KIRREL3: variants seen among roughly 807,000 people sequenced by gnomAD.
The protein encoded by KIRREL3 is kirre like nephrin family adhesion molecule 3, also known as kin of IRRE-like protein 3.
KIRREL3 carries 36 observed loss-of-function variants against 89.7 expected under a neutral mutation model. That is an observed-to-expected ratio of 0.40 (90% CI 0.31 to 0.53). The LOEUF is 0.53. Ranked by LOEUF, KIRREL3 falls within the 20% of genes least tolerant of loss-of-function variation. The pLI is 0.49. For missense variants in KIRREL3, 864 were observed against 1,056.6 expected (o/e 0.82, Z 2.53); for synonymous variants, 445 against 441.4 (o/e 1.01, Z -0.10).
rs918277423 is a variant in KIRREL3 at position 126,428,054 on chromosome 11, C to T, written c.1806+1125G>A. Among the ~76,000 whole-genome samples, 8 of 152,148 alleles carry T rather than the reference C, an allele frequency of 5.3e-5. No homozygotes were observed. The highest frequency in any genetic ancestry group is 1.0e-4 in the Non-Finnish European group (7 of 68,032). On this transcript the variant is annotated intron_variant, in intron 15 of 16. Coordinates refer to ENST00000525144, the MANE Select transcript of KIRREL3 (RefSeq NM_032531.4). The surrounding 1 kb of genome is among the most constrained non-coding windows in gnomAD (Gnocchi z 6.4). ...GGGCCTGTGTAAGGCTCCGAAGACCCCGGGATGAACACAGCAGCAGCTGCT... is the reference window on the plus strand; with the variant it reads ...GGGCCTGTGTAAGGCTCCGAAGACCTCGGGATGAACACAGCAGCAGCTGCT...
At chr11:126,803,739 A>G (rs2134401336) in intron 1 of KIRREL3, among the ~76,000 whole-genome samples, 1 of 151,880 alleles carries the variant, frequency 6.6e-6, no homozygotes, top group South Asian at 2.1e-4. Context: ...GCCACCCCCA[A>G]CTCAGTACAT....
intron 15 of KIRREL3, 42 bp from the exon 16 acceptor site, chr11:126,425,766 A>C (rs747424249): frequency 1.5e-5 from 21 of 1,444,940 alleles, no homozygotes; most frequent in Non-Finnish European, 3.8e-6. Flanking sequence ...GGAGGTGGCT[A>C]AACCTCCACT....
rs180706212 is a variant in KIRREL3 at position 126,664,896 on chromosome 11, C to A, written c.56-101984G>T. ...GTAGCTGGAGCTCATTCTACAGTGT[C>A]CAGAGTGAAACCTGTCCCCTCCAGG... On this transcript the variant is annotated intron_variant, in intron 1 of 16. Coordinates refer to ENST00000525144, the MANE Select transcript of KIRREL3 (RefSeq NM_032531.4). This position sits in a 1 kb window ranked among gnomAD's most constrained non-coding sequence, Gnocchi z 5.4. Among the ~76,000 whole-genome samples the A allele has an allele frequency of 4.7e-4, 72 of 152,306 alleles. No homozygotes were observed. Among genetic ancestry groups the A allele is most frequent in the African/African-American group, 1.4e-3 (58 of 41,568 alleles).
chr11:126,963,459 G>A (rs12283529), intron 1 of KIRREL3, among the ~76,000 whole-genome samples: 34,096 of 152,078 alleles, frequency 0.22, 4,024 homozygotes, highest in Middle Eastern at 0.28. Context: ...ATCATAAGAC[G>A]TGTTGGACAG....
chr11:126,726,654 C>T (rs1948394059), intron 1 of KIRREL3, among the ~76,000 whole-genome samples: 1 of 152,208 alleles, frequency 6.6e-6, no homozygotes, highest in Admixed American at 6.5e-5. Flanking sequence ...AGGTGTGAGC[C>T]ATGTGAGCCA....
Position 126,452,869 on chromosome 11 carries a change from T to C in KIRREL3, c.848+3480A>G, listed in dbSNP as rs533367771. Among the ~76,000 whole-genome samples, 48 of 152,256 alleles carry C rather than the reference T, an allele frequency of 3.2e-4. 1 individual carries two copies. Among genetic ancestry groups the C allele is most frequent in the African/African-American group, 1.2e-3 (48 of 41,564 alleles). On this transcript the variant is annotated intron_variant, in intron 7 of 16. Transcript: ENST00000525144. ...GCCCAGCCGGTCTTTCTTCCCCTCCTGCACTGAAAAACCCTCTGAGAGGTC... is the reference window on the plus strand; with the variant it reads ...GCCCAGCCGGTCTTTCTTCCCCTCCCGCACTGAAAAACCCTCTGAGAGGTC...
intron 1 of KIRREL3, among the ~76,000 whole-genome samples, chr11:126,735,017 G>C (rs1211968862): frequency 6.6e-6 from 1 of 152,150 alleles, no homozygotes; most frequent in Non-Finnish European, 1.5e-5. Context: ...GGCTCATAAC[G>C]GGGCGTTTAC....
At chr11:126,707,732 C>A (rs1947590564) in intron 1 of KIRREL3, among the ~76,000 whole-genome samples, 1 of 152,172 alleles carries the variant, frequency 6.6e-6, no homozygotes, top group African/African-American at 2.4e-5. Flanking sequence ...TTCTTCTCAG[C>A]ACTTCTTTAG....
At chr11:126,524,314 A>G (rs1020977953) in intron 3 of KIRREL3, among the ~76,000 whole-genome samples, 1 of 152,236 alleles carries the variant, frequency 6.6e-6, no homozygotes, top group African/African-American at 2.4e-5. Flanking sequence ...TTAAATGAAG[A>G]GAAAGGTATG....
intron 5 of KIRREL3, among the ~76,000 whole-genome samples, chr11:126,468,951 T>C (rs1052363473): frequency 1.3e-5 from 2 of 152,168 alleles, no homozygotes; most frequent in Non-Finnish European, 2.9e-5. Flanking sequence ...TGTCTGCATA[T>C]GGGAAACGCG....
Position 126,994,930 on chromosome 11 carries a change from C to T in KIRREL3, c.55+5525G>A. On this transcript the variant is annotated intron_variant, in intron 1 of 16. Coordinates refer to ENST00000525144, the MANE Select transcript of KIRREL3 (RefSeq NM_032531.4). This position sits in a 1 kb window ranked among gnomAD's most constrained non-coding sequence, Gnocchi z 5.2. ...TAAGGTATCTATGTTCTTACTTGAC[C>T]TGCACTTCTAACTGGGTAAATTCTG... 1 of 341,678 alleles carries T rather than the reference C, an allele frequency of 2.9e-6. No homozygotes were observed. The highest frequency in any genetic ancestry group is 2.3e-5 in the South Asian group (1 of 44,122). The allele number at this position is 341,678 out of a possible 1,614,324, so 21.2% of individuals were successfully genotyped here.
Position 126,870,481 on chromosome 11 carries a change from A to T in KIRREL3, c.55+129974T>A, listed in dbSNP as rs533253301. The stretch of plus-strand genomic sequence containing the variant: ...TTCCATCCCTGGCCTTTAGAGACCG[A>T]AGTCTCCTGAAAGGCAGGTCCTTGC... On this transcript the variant is annotated intron_variant, in intron 1 of 16. Transcript: ENST00000525144. This position sits in a 1 kb window ranked among gnomAD's most constrained non-coding sequence, Gnocchi z 4.4. Among the ~76,000 whole-genome samples, 148 of 152,312 alleles carry T rather than the reference A, an allele frequency of 9.7e-4. 3 individuals carry two copies. The South Asian group carries it at 0.029, about 29-fold the overall frequency.
In KIRREL3 at chr11:126,710,100, T is replaced by C. The variant is rs567615689; in HGVS notation, c.56-147188A>G. 2.6e-5 allele frequency among the ~76,000 whole-genome samples: 4 copies of C among 152,316 alleles called. No homozygotes were observed. The highest frequency in any genetic ancestry group is 2.1e-4 in the South Asian group (1 of 4,820). On this transcript the variant is annotated intron_variant, in intron 1 of 16. Transcript: ENST00000525144. The surrounding 1 kb of genome is among the most constrained non-coding windows in gnomAD (Gnocchi z 4.2). ...CACATAATGAGTATCAAGTCTGGCA[T>C]TGGAATCCCAATCTCCTCCTCACTA...
rs1297378440 is a variant in KIRREL3, at chr11:126,736,887, G to A, written c.56-173975C>T. ...CCAGGAAAAAGAGCTCAAAGGGAGT[G>A]CCCCAGACTGGCTGTCACAAGCATG... On this transcript the variant is annotated intron_variant, in intron 1 of 16. Coordinates refer to ENST00000525144, the MANE Select transcript of KIRREL3 (RefSeq NM_032531.4). This position sits in a 1 kb window ranked among gnomAD's most constrained non-coding sequence, Gnocchi z 5.0. Among the ~76,000 whole-genome samples the A allele has an allele frequency of 6.6e-6, 1 of 152,204 alleles. No homozygotes were observed. The highest frequency in any genetic ancestry group is 6.5e-5 in the Admixed American group (1 of 15,284).
intron 4 of KIRREL3, among the ~76,000 whole-genome samples, chr11:126,487,466 C>T (rs989467994): frequency 1.3e-5 from 2 of 152,238 alleles, no homozygotes; most frequent in African/African-American, 4.8e-5. Context: ...TACAAACACT[C>T]ATTTCAGGGA....
At chr11:126,862,317 C>T (rs904036632) in intron 1 of KIRREL3, among the ~76,000 whole-genome samples, 2 of 152,246 alleles carry the variant, frequency 1.3e-5, no homozygotes, top group African/African-American at 2.4e-5. Flanking sequence ...CTGTCAGAAC[C>T]TTCCCACGTC....
intron 1 of KIRREL3, among the ~76,000 whole-genome samples, chr11:126,588,460 C>G (rs1941977136): frequency 6.6e-6 from 1 of 152,162 alleles, no homozygotes; most frequent in South Asian, 2.1e-4. Flanking sequence ...GGGGACTCCC[C>G]TTTCCTGGGA....
At chr11:126,920,108 A>T (rs1947210179) in intron 1 of KIRREL3, 1 of 152,248 alleles carries the variant, frequency 6.6e-6, no homozygotes, top group African/African-American at 2.4e-5. Flanking sequence ...CTTATTGTAC[A>T]GATGAAAGTT....
rs1055296001 is a variant in KIRREL3, at chr11:126,432,537, A to G, written c.1589-1011T>C. ...AAGGACACACAGGAGCTGCCCAGCC[A>G]GGGTCAATCCAGGTCTCCTCTCACT... On this transcript the variant is annotated intron_variant, in intron 13 of 16. Coordinates refer to ENST00000525144, the MANE Select transcript of KIRREL3 (RefSeq NM_032531.4). This position sits in a 1 kb window ranked among gnomAD's most constrained non-coding sequence, Gnocchi z 6.2. Among the ~76,000 whole-genome samples, 17 of 152,116 alleles carry G rather than the reference A, an allele frequency of 1.1e-4. No homozygotes were observed. Among genetic ancestry groups the G allele is most frequent in the African/African-American group, 3.6e-4 (15 of 41,430 alleles).
Sources: allele counts gnomAD v4.1 joint callset (sites outside exome capture counted in the v4.1 genomes callset), GRCh38; gene constraint gnomAD v4.1.1; non-coding constraint Gnocchi (gnomAD v3.1); transcripts MANE v1.5; gene names NCBI Gene and HGNC (gene_info 2026-07-23, HGNC 2026-07-21).